The following DLGAP1 variants were observed in gnomAD, a reference collection of about 807,000 sequenced individuals.
DLGAP1 encodes disks large-associated protein 1.
In DLGAP1, 11 loss-of-function variants were observed where a neutral mutation model predicts 90.8. The observed-to-expected ratio is 0.12, with a 90% CI of 0.08 to 0.20. The LOEUF is 0.20. Ranked by LOEUF, DLGAP1 falls within the 10% of genes least tolerant of loss-of-function variation. The probability of loss-of-function intolerance (pLI) is 1.00; values close to 1 mark genes in which losing one functional copy is unlikely to be tolerated. For missense variants in DLGAP1, 1,050 were observed against 1,333.8 expected, an observed-to-expected ratio of 0.79 and a Z score of 3.31; for synonymous variants, 558 against 540.7, an observed-to-expected ratio of 1.03 and a Z score of -0.44.
chr18:3,823,756 C>A (rs1275610653), intron 4 of DLGAP1, among the ~76,000 whole-genome samples: 1 of 151,888 alleles, frequency 6.6e-6, no homozygotes, highest in African/African-American at 2.4e-5. Context: ...TTGAGACCAG[C>A]CTGGCCAACA....
At chr18:4,347,533 G>A (rs2081322114) in intron 1 of DLGAP1, among the ~76,000 whole-genome samples, 1 of 151,840 alleles carries the variant, frequency 6.6e-6, no homozygotes, top group South Asian at 2.1e-4. Context: ...AGAAATTCAA[G>A]GTTGGTTCCT....
intron 7 of DLGAP1, among the ~76,000 whole-genome samples, chr18:3,615,511 C>T (rs1471514886): frequency 6.6e-6 from 1 of 152,074 alleles, no homozygotes; most frequent in Non-Finnish European, 1.5e-5. Context: ...TGGACACGCC[C>T]AGGTGAGGAG....
intron 2 of DLGAP1, among the ~76,000 whole-genome samples, chr18:4,035,752 C>T (rs529215978): frequency 6.6e-6 from 1 of 152,158 alleles, no homozygotes; most frequent in South Asian, 2.1e-4. Context: ...TGGTTTCTGG[C>T]TAGGATTTGA....
chr18:3,789,390 A>G (rs2065614825), intron 5 of DLGAP1, among the ~76,000 whole-genome samples: 2 of 152,208 alleles, frequency 1.3e-5, no homozygotes, highest in African/African-American at 4.8e-5. Flanking sequence ...AAAGCTGGAA[A>G]CTTCTCAGAG....
chr18:4,405,193 G>A (rs1372828462), intron 1 of DLGAP1, among the ~76,000 whole-genome samples: 1 of 152,182 alleles, frequency 6.6e-6, no homozygotes, highest in Non-Finnish European at 1.5e-5. Flanking sequence ...GTTTACATCA[G>A]CAGCTAGAAC....
intron 2 of DLGAP1, among the ~76,000 whole-genome samples, chr18:4,032,839 C>T (rs2074819573): frequency 6.6e-6 from 1 of 152,188 alleles, no homozygotes; most frequent in Non-Finnish European, 1.5e-5. Context: ...CTGTCTCTGT[C>T]TCTCCGTCTC....
chr18:3,511,194 C>A (rs2050520058), intron 10 of DLGAP1, among the ~76,000 whole-genome samples: 1 of 152,176 alleles, frequency 6.6e-6, no homozygotes, highest in Non-Finnish European at 1.5e-5. Context: ...AAGCAGATGA[C>A]AACTCATATT....
chr18:3,920,980 T>G (rs1213314977), intron 3 of DLGAP1, among the ~76,000 whole-genome samples: 1 of 152,246 alleles, frequency 6.6e-6, no homozygotes, highest in Non-Finnish European at 1.5e-5. Flanking sequence ...AAAATCCAAC[T>G]TGTATGTTTA....
At chr18:4,041,772 A>C (rs867733418) in intron 2 of DLGAP1, among the ~76,000 whole-genome samples, 9 of 152,232 alleles carry the variant, frequency 5.9e-5, no homozygotes, top group African/African-American at 1.9e-4. Flanking sequence ...TTCCTACAAA[A>C]GATGGTGACC....
At chr18:3,571,083 T>G (rs961749410) in intron 8 of DLGAP1, 6 of 152,016 alleles carry the variant, frequency 3.9e-5, no homozygotes, top group Non-Finnish European at 5.9e-5. Flanking sequence ...ATTGGAATTT[T>G]TATTGGAATT....
chr18:3,981,534 T>C (rs1344515769), intron 3 of DLGAP1, among the ~76,000 whole-genome samples: 1 of 152,156 alleles, frequency 6.6e-6, no homozygotes, highest in African/African-American at 2.4e-5. Context: ...GCAGAGTTTC[T>C]GGGGAATGTT....
chr18:4,345,097 C>G (rs935588329), intron 1 of DLGAP1, among the ~76,000 whole-genome samples: 1 of 152,126 alleles, frequency 6.6e-6, no homozygotes, highest in African/African-American at 2.4e-5. Flanking sequence ...CAACATCCGT[C>G]CACCCAAGAT....
intron 10 of DLGAP1, among the ~76,000 whole-genome samples, chr18:3,513,279 CTGTTTATTTATG>C (rs1408412921): frequency 6.6e-6 from 1 of 152,050 alleles, no homozygotes; most frequent in African/African-American, 2.4e-5. Flanking sequence ...AGTGTGATTT[CTGTTTATTTATG>C]TGTTTATTTA....
chr18:3,649,876 A>C (rs1366100675), intron 7 of DLGAP1, among the ~76,000 whole-genome samples: 1 of 152,128 alleles, frequency 6.6e-6, no homozygotes, highest in Non-Finnish European at 1.5e-5. Context: ...ACTTTATCTG[A>C]GGTGAGGGTA....
At chr18:3,973,753 C>T (rs545788433) in intron 3 of DLGAP1, among the ~76,000 whole-genome samples, 2 of 152,264 alleles carry the variant, frequency 1.3e-5, no homozygotes, top group East Asian at 3.9e-4. Context: ...GCCCAGGGCT[C>T]GGGATCCATG....
chr18:3,604,712 A>G (rs752906322), intron 7 of DLGAP1, among the ~76,000 whole-genome samples: 8 of 152,162 alleles, frequency 5.3e-5, no homozygotes, highest in African/African-American at 9.7e-5. Context: ...TTTTAATGTT[A>G]TCTTCTGGAG....
chr18:3,720,135 G>C (rs1464695268), intron 7 of DLGAP1, among the ~76,000 whole-genome samples: 1 of 152,122 alleles, frequency 6.6e-6, no homozygotes, highest in Non-Finnish European at 1.5e-5. Flanking sequence ...GAATATTCTA[G>C]GGATAAAAGC....
chr18:4,040,153 A>G (rs147790701), intron 2 of DLGAP1, among the ~76,000 whole-genome samples: 337 of 152,330 alleles, frequency 2.2e-3, no homozygotes, highest in African/African-American at 7.8e-3. Flanking sequence ...GTCAAATTGT[A>G]ACTCTACCAC....
intron 1 of DLGAP1, among the ~76,000 whole-genome samples, chr18:4,297,187 G>A (rs1469451532): frequency 6.6e-6 from 1 of 152,064 alleles, no homozygotes; most frequent in Admixed American, 6.5e-5. Flanking sequence ...TGAGGCACCT[G>A]GGGCTCAGAG....
Sources: allele counts gnomAD v4.1 joint callset (sites outside exome capture counted in the v4.1 genomes callset), GRCh38; gene constraint gnomAD v4.1.1; transcripts MANE v1.5; gene names NCBI Gene and HGNC (gene_info 2026-07-23, HGNC 2026-07-21).